Variants in LRP2 observed in about 807,000 individuals in gnomAD.
The protein encoded by LRP2 is low-density lipoprotein receptor-related protein 2.
A neutral mutation model predicts 531.0 loss-of-function variants in LRP2; 172 were observed. The ratio of observed to expected loss-of-function variants is 0.32; its 90% CI spans 0.29 to 0.37. The LOEUF (loss-of-function observed/expected upper bound fraction) is 0.37. Among genes scored for constraint, LRP2 ranks in the 10% least tolerant of loss-of-function variants. The pLI is 1.00. For synonymous variants in LRP2, 1,992 were observed against 2,027.6 expected (o/e 0.98, Z 0.47); for missense variants, 5,167 against 5,868.3 (o/e 0.88, Z 3.90).
rs140872015 is a variant in LRP2 at position 169,192,931 on chromosome 2, C to T, written c.8830+830G>A. On this transcript the variant is annotated intron_variant, in intron 47 of 78. Coordinates refer to ENST00000649046, the MANE Select transcript of LRP2 (RefSeq NM_004525.3). ...TGCAAGCAGCAGGGAGCCATTGAGT[C>T]TATTGCCCTACCATAGAAAGACATT... Among the ~76,000 whole-genome samples, 61 of 152,268 alleles carry T rather than the reference C, an allele frequency of 4.0e-4. No individual in the cohort carries two copies. The South Asian group carries it at 4.4e-3, about 11-fold the overall frequency.
intron 65 of LRP2, 43 bp from the exon 66 acceptor site, chr2:169,154,646 T>C: frequency 6.3e-7 from 1 of 1,589,270 alleles, no homozygotes; most frequent in Non-Finnish European, 8.6e-7. Context: ...TGAATTATAC[T>C]TTCCTATATA....
chr2:169,336,290 C>A (rs1685401434), intron 1 of LRP2, among the ~76,000 whole-genome samples: 1 of 152,100 alleles, frequency 6.6e-6, no homozygotes, highest in African/African-American at 2.4e-5. Flanking sequence ...GTAATCCCAG[C>A]ACTTTGGGAG....
At chr2:169,173,274 C>T in intron 56 of LRP2, 50 bp from the exon 57 acceptor site, 1 of 1,611,370 alleles carries the variant, frequency 6.2e-7, no homozygotes, top group Non-Finnish European at 8.5e-7. Flanking sequence ...CAAGAAAGCA[C>T]CTTTCCATTG....
At chr2:169,340,991 CAAAA>C (rs1366709273) in intron 1 of LRP2, among the ~76,000 whole-genome samples, 1 of 152,148 alleles carries the variant, frequency 6.6e-6, no homozygotes, top group Non-Finnish European at 1.5e-5. Flanking sequence ...ATGCCTCTCC[CAAAA>C]GGTGGTACTC....
chr2:169,279,644 G>A (rs367577974), intron 11 of LRP2, 49 bp from the exon 12 acceptor site: 898 of 1,192,414 alleles, frequency 7.5e-4, no homozygotes, highest in Admixed American at 9.9e-4. Context: ...CACTAACTAC[G>A]TGGTTTGTTT....
chr2:169,157,742 T>C (rs993152684), intron 63 of LRP2, among the ~76,000 whole-genome samples: 1 of 151,980 alleles, frequency 6.6e-6, no homozygotes, highest in African/African-American at 2.4e-5. Flanking sequence ...TTTCACATTA[T>C]ATGCAGCACT....
chr2:169,150,988 T>G lies in LRP2; in HGVS notation c.12500A>C (p.Glu4167Ala). Residue 4167 changes from glutamate to alanine, a missense_variant, in exon 68 of 79, where the codon GAG becomes GCG. Around this residue, in one of 6 missense-constraint regions of LRP2, gnomAD observed 564 missense variants for 747.7 expected, o/e 0.75. Coordinates refer to ENST00000649046, the MANE Select transcript of LRP2 (RefSeq NM_004525.3). Reference sequence around the variant, plus strand: ...GTACCTTCCATCAAGTTTAGCCACCTCAATGCGTTTATTCTTGACATCTGA... The same window carrying G: ...GTACCTTCCATCAAGTTTAGCCACCGCAATGCGTTTATTCTTGACATCTGA... ...YWSDVKNKRI[E>A]VAKLDGRYRK... The G allele has an allele frequency of 6.2e-7, 1 of 1,614,044 alleles. No individual in the cohort carries two copies. Among genetic ancestry groups the G allele is most frequent in the Non-Finnish European group, 8.5e-7 (1 of 1,179,922 alleles).
At chr2:169,144,641 T>C (rs1574069067) in intron 70 of LRP2, among the ~76,000 whole-genome samples, 1 of 151,856 alleles carries the variant, frequency 6.6e-6, no homozygotes, top group Non-Finnish European at 1.5e-5. Flanking sequence ...GGGTCTGGAG[T>C]ATTCTGGAGT....
intron 63 of LRP2, among the ~76,000 whole-genome samples, chr2:169,161,116 T>A (rs531408512): frequency 1.3e-5 from 2 of 152,226 alleles, no homozygotes; most frequent in East Asian, 3.9e-4. Context: ...GAGGTCAGTA[T>A]GTGCCCAAAG....
intron 76 of LRP2, among the ~76,000 whole-genome samples, chr2:169,133,210 GAATT>G (rs768709745): frequency 2.0e-4 from 30 of 152,316 alleles, no homozygotes; most frequent in Middle Eastern, 3.4e-3. Context: ...GAGAATGATA[GAATT>G]AATAATCTTC....
intron 45 of LRP2, among the ~76,000 whole-genome samples, chr2:169,197,290 A>T (rs2105319454): frequency 6.6e-6 from 1 of 152,360 alleles, no homozygotes; most frequent in East Asian, 1.9e-4. Flanking sequence ...TGTTAGAAAT[A>T]CCAAAGAACT....
At chr2:169,280,187 A>G (rs968440858) in intron 11 of LRP2, among the ~76,000 whole-genome samples, 163 bp downstream of exon 11, 1 of 152,240 alleles carries the variant, frequency 6.6e-6, no homozygotes, top group Admixed American at 6.5e-5. Flanking sequence ...AATAGGTCAC[A>G]TGTAATAGTA....
rs144756854 is a variant in LRP2, at chr2:169,292,141, A to G, written c.769+112T>C. On this transcript the variant is annotated intron_variant, in intron 7 of 78. Transcript: ENST00000649046. ...TAAACAACCCCTTCAACTCCAGCCA[A>G]TCCTGAGGCTTGCTTGTCACACAAA... 5.9e-5 allele frequency: 51 copies of G among 867,900 alleles called. No homozygotes were observed. In the Middle Eastern group the frequency reaches 6.5e-4, roughly 11 times the overall value. The allele number at this position is 867,900 out of a possible 1,614,324, so 53.8% of individuals were successfully genotyped here.
chr2:169,332,496 T>C (rs1016637511), intron 1 of LRP2, among the ~76,000 whole-genome samples: 1 of 152,190 alleles, frequency 6.6e-6, no homozygotes, highest in South Asian at 2.1e-4. Flanking sequence ...AGACCTAGCA[T>C]CTTGCATCCT....
rs1010013548 is a variant in LRP2 at position 169,206,450 on chromosome 2, G to C, written c.7270C>G (p.Leu2424Val). Residue 2424 changes from leucine (L) to valine (V), a missense_variant, in exon 39 of 79, where the codon CTA (leucine) becomes GTA (valine). Coordinates refer to ENST00000649046, the MANE Select transcript of LRP2 (RefSeq NM_004525.3). ...CTATCACTTACACTGTCATAGTCTA[G>C]AGACATGACAGTTCTTTCCACATTT... ...TINVERTVMS[L>V]DYDSVSDRIY... 5 of 1,613,696 alleles carry C rather than the reference G, an allele frequency of 3.1e-6. No individual in the cohort carries two copies. Among genetic ancestry groups the C allele is most frequent in the Middle Eastern group, 1.6e-4 (1 of 6,084 alleles).
In LRP2 at chr2:169,292,928, A is replaced by G. The variant is rs556837214; in HGVS notation, c.653-559T>C. Among the ~76,000 whole-genome samples the G allele has an allele frequency of 1.1e-4, 16 of 152,228 alleles. No homozygotes were observed. The South Asian group carries it at 1.7e-3, about 16-fold the overall frequency. On this transcript the variant is annotated intron_variant, in intron 6 of 78. Transcript: ENST00000649046. Reference sequence around the variant, plus strand: ...TGCAGACAAAGATGCTGCAGACATGACAACATCCAACGTTCTCATACTTTA... The same window carrying G: ...TGCAGACAAAGATGCTGCAGACATGGCAACATCCAACGTTCTCATACTTTA...
intron 26 of LRP2, among the ~76,000 whole-genome samples, chr2:169,238,727 C>T (rs1176348305): frequency 6.6e-6 from 1 of 152,086 alleles, no homozygotes; most frequent in Non-Finnish European, 1.5e-5. Context: ...TTCTAATTCT[C>T]CCAACACCCC....
chr2:169,187,822 C>T (rs1191515588), intron 49 of LRP2, 148 bp downstream of exon 49: 8 of 865,654 alleles, frequency 9.2e-6, no homozygotes, highest in Non-Finnish European at 1.5e-5. Flanking sequence ...TACCAAGAAA[C>T]TTTGGTAACC....
At chr2:169,242,917 A>G in intron 24 of LRP2, 39 bp downstream of exon 24, 5 of 1,438,450 alleles carry the variant, frequency 3.5e-6, no homozygotes, top group Non-Finnish European at 4.9e-6. Flanking sequence ...AAATGAAATG[A>G]CCCCTTTGTC....
Sources: allele counts gnomAD v4.1 joint callset (sites outside exome capture counted in the v4.1 genomes callset), GRCh38; gene constraint gnomAD v4.1.1; regional missense constraint gnomAD v4.1.1; transcripts MANE v1.5; gene names NCBI Gene and HGNC (gene_info 2026-07-23, HGNC 2026-07-21).